The following ATP13A4 variants were observed in gnomAD, a reference collection of about 807,000 sequenced individuals.
ATP13A4 encodes probable cation-transporting ATPase 13A4.
In ATP13A4, 114 loss-of-function variants were observed where a neutral mutation model predicts 142.5. The observed-to-expected ratio is 0.80, with a 90% confidence interval of 0.69 to 0.93. The LOEUF is 0.93. Among genes scored for constraint, ATP13A4 ranks in the 40% least tolerant of loss-of-function variants. ATP13A4 has a pLI of 0.00. For missense variants in ATP13A4, 1,392 were observed against 1,454.0 expected (o/e 0.96, Z 0.69); for synonymous variants, 488 against 514.8 (o/e 0.95, Z 0.70).
chr3:193,477,758 T>G (rs1719052948), intron 8 of ATP13A4, among the ~76,000 whole-genome samples: 2 of 152,148 alleles, frequency 1.3e-5, no homozygotes, highest in South Asian at 4.1e-4. Flanking sequence ...ATGGAGATCT[T>G]GGCAGCTTGA....
chr3:193,439,044 A>C lies in ATP13A4; in HGVS notation c.2541T>G (p.Gly847=). Residue 847 remains glycine (G), a synonymous_variant, in exon 22 of 30, where the codon GGT becomes GGG. Coordinates refer to ENST00000342695, the MANE Select transcript of ATP13A4 (RefSeq NM_032279.4). ...QKLDYFVGMC[G]DGANDCGALK... is the part of the protein sequence containing the mutation. ...TTACCCCACAGTCATTGGCTCCATC[A>C]CCACACATACCTACAAAGTAACTAA... 6.2e-7 allele frequency: 1 copy of C among 1,609,548 alleles called. No individual in the cohort carries two copies. Among genetic ancestry groups the C allele is most frequent in the Non-Finnish European group, 8.5e-7 (1 of 1,175,808 alleles).
At chr3:193,580,206 G>T (rs1724508818) in intron 2 of ATP13A4, among the ~76,000 whole-genome samples, 1 of 152,124 alleles carries the variant, frequency 6.6e-6, no homozygotes, top group Non-Finnish European at 1.5e-5. Context: ...CTGGTAAATT[G>T]ACTACTGAAA....
At chr3:193,474,728 AAGAGAAAGAAAG>A in intron 8 of ATP13A4, among the ~76,000 whole-genome samples, 1 of 120,950 alleles carries the variant, frequency 8.3e-6, no homozygotes, top group African/African-American at 3.3e-5. Flanking sequence ...GAGAGAAAGA[AAGAGAAAGAAAG>A]AAAGAAAGGA....
Position 193,493,173 on chromosome 3 carries a change from A to T in ATP13A4, c.382-13T>A. Reference sequence around the variant, plus strand: ...TGATGCATCTCACCTGCAAAAGAAAAGTACTAAGAAAACCTCTAGTTTGAG... The same window carrying T: ...TGATGCATCTCACCTGCAAAAGAAATGTACTAAGAAAACCTCTAGTTTGAG... On this transcript the variant is annotated splice_polypyrimidine_tract_variant and intron_variant, in intron 3 of 29. Transcript: ENST00000342695. 1 of 1,609,892 alleles carries T rather than the reference A, an allele frequency of 6.2e-7. No homozygotes were observed. The highest frequency in any genetic ancestry group is 8.5e-7 in the Non-Finnish European group (1 of 1,178,054).
intron 9 of ATP13A4, among the ~76,000 whole-genome samples, chr3:193,469,150 G>C (rs1718471396): frequency 6.6e-6 from 1 of 152,186 alleles, no homozygotes; most frequent in Non-Finnish European, 1.5e-5. Flanking sequence ...GTAGCCATGA[G>C]CAGCACCAAC....
intron 1 of ATP13A4, among the ~76,000 whole-genome samples, chr3:193,586,711 A>G (rs986667745): frequency 1.3e-5 from 2 of 152,198 alleles, no homozygotes; most frequent in Admixed American, 1.3e-4. Context: ...ATTCTGGTCC[A>G]TTTATCTATT....
intron 1 of ATP13A4, among the ~76,000 whole-genome samples, chr3:193,544,102 C>A (rs1349949648): frequency 2.0e-5 from 3 of 152,144 alleles, no homozygotes; most frequent in Non-Finnish European, 4.4e-5. Context: ...GAGACAGGCT[C>A]AACTTCCCTC....
chr3:193,496,822 AT>A (rs1259661726), intron 3 of ATP13A4, among the ~76,000 whole-genome samples: 169 of 151,224 alleles, frequency 1.1e-3, no homozygotes, highest in African/African-American at 3.9e-3. Flanking sequence ...AAATAAATAA[AT>A]AAATAAATAA....
At chr3:193,545,809 C>T (rs1183998739) in intron 1 of ATP13A4, among the ~76,000 whole-genome samples, 1 of 152,054 alleles carries the variant, frequency 6.6e-6, no homozygotes, top group African/African-American at 2.4e-5. Flanking sequence ...GTAATTGACA[C>T]AACAACTGCC....
chr3:193,560,846 CA>C (rs1404236853), intron 2 of ATP13A4, among the ~76,000 whole-genome samples: 1 of 152,080 alleles, frequency 6.6e-6, no homozygotes, highest in Non-Finnish European at 1.5e-5. Context: ...AGCAGTTGGC[CA>C]AGGGGGAAAG....
Position 193,422,134 on chromosome 3 carries a change from G to A in ATP13A4, c.2843-7384C>T, listed in dbSNP as rs181187142. Among the ~76,000 whole-genome samples, 456 of 150,066 alleles carry A rather than the reference G, an allele frequency of 3.0e-3. 23 individuals are homozygous for A. The highest frequency in any genetic ancestry group is 8.0e-3 in the African/African-American group (326 of 41,000). ...CTATGCAAATGGTAATCAAAAGAGA[G>A]CAAGATTGGCTATATTTATGTCAGA... On this transcript the variant is annotated intron_variant, in intron 25 of 29. Coordinates refer to ENST00000342695, the MANE Select transcript of ATP13A4 (RefSeq NM_032279.4).
intron 18 of ATP13A4, among the ~76,000 whole-genome samples, chr3:193,445,574 T>C (rs1030706915): frequency 3.3e-5 from 5 of 151,932 alleles, no homozygotes; most frequent in African/African-American, 7.2e-5. Flanking sequence ...CTGGCCAACA[T>C]GGTGAAACCC....
At position 193,411,826 on chromosome 3, in the gene ATP13A4, T is replaced by C. The variant is rs1368519973; in HGVS notation, c.3208+352A>G. Among the ~76,000 whole-genome samples the C allele has an allele frequency of 2.0e-5, 3 of 152,154 alleles. No homozygotes were observed. The East Asian group carries it at 5.8e-4, about 29-fold the overall frequency. ...CTTCATGGCAAGAGACAGGATCCAC[T>C]TGAGTTCTGTTACGCTTCTCTCCAC... On this transcript the variant is annotated intron_variant, in intron 27 of 29. Transcript: ENST00000342695.
At position 193,541,410 on chromosome 3, in the gene ATP13A4, TTATC is replaced by T. The variant is rs370566048; in HGVS notation, c.60+13326_60+13329del. Among the ~76,000 whole-genome samples the T allele has an allele frequency of 4.9e-3, 589 of 121,036 alleles. 5 individuals are homozygous for T. Among genetic ancestry groups the T allele is most frequent in the Non-Finnish European group, 4.8e-3 (244 of 51,216 alleles). 79.4% of individuals were successfully genotyped at this position (121,036 alleles called of 152,430 possible). On this transcript the variant is annotated intron_variant, in intron 1 of 29. Coordinates refer to ENST00000342695, the MANE Select transcript of ATP13A4 (RefSeq NM_032279.4). ...TCTATCTGTGATTATCGATCACAGA[TTATC>T]TATCTGTGATTATCGATCACAGATT...
At chr3:193,444,677 A>G (rs1327073324) in intron 18 of ATP13A4, among the ~76,000 whole-genome samples, 1 of 152,258 alleles carries the variant, frequency 6.6e-6, no homozygotes, top group African/African-American at 2.4e-5. Flanking sequence ...AGAAAGCAAG[A>G]GACATTCCTG....
chr3:193,514,927 G>T lies in ATP13A4; in HGVS notation c.61-56C>A. On this transcript the variant is annotated intron_variant, in intron 1 of 29. Transcript: ENST00000342695. ...TGGTTAAGCACAATAAACAATAAAT[G>T]AACAAATACTGATTTTAGTGATGGA... 4.4e-6 allele frequency: 7 copies of T among 1,573,086 alleles called. No homozygotes were observed. In the South Asian group the frequency reaches 5.6e-5, roughly 13 times the overall value.
chr3:193,452,236 A>G (rs998229415), intron 17 of ATP13A4, among the ~76,000 whole-genome samples: 1 of 152,148 alleles, frequency 6.6e-6, no homozygotes, highest in Non-Finnish European at 1.5e-5. Flanking sequence ...TCCATTCCCA[A>G]TTCTGCTCTG....
At chr3:193,436,843 G>C (rs1053772260) in intron 23 of ATP13A4, among the ~76,000 whole-genome samples, 1 of 140,526 alleles carries the variant, frequency 7.1e-6, no homozygotes, top group Admixed American at 6.8e-5. Context: ...GGTGGCTCAC[G>C]CCTGTAATCC....
intron 1 of ATP13A4, among the ~76,000 whole-genome samples, chr3:193,519,892 G>A (rs1247176415): frequency 9.9e-5 from 15 of 151,854 alleles, no homozygotes; most frequent in African/African-American, 3.4e-4. Context: ...TGATCCAGCC[G>A]CCTCAGGCTC....
Sources: allele counts gnomAD v4.1 joint callset (sites outside exome capture counted in the v4.1 genomes callset), GRCh38; gene constraint gnomAD v4.1.1; transcripts MANE v1.5; gene names NCBI Gene and HGNC (gene_info 2026-07-23, HGNC 2026-07-21).